Variants in ADAMTS6 observed in about 807,000 individuals in gnomAD.
ADAMTS6 encodes ADAM metallopeptidase with thrombospondin type 1 motif 6.
ADAMTS6 carries 23 observed loss-of-function variants against 144.3 expected under a neutral mutation model. That is an observed-to-expected ratio of 0.16 (90% confidence interval 0.11 to 0.23). ADAMTS6 has a LOEUF of 0.23. ADAMTS6 is among the 10% of genes least tolerant of loss of function. The pLI, the probability that ADAMTS6 is intolerant of heterozygous loss-of-function variation, is 1.00. For missense variants in ADAMTS6, 999 were observed against 1,379.6 expected (o/e 0.72, Z 4.37); for synonymous variants, 444 against 457.5 (o/e 0.97, Z 0.38).
At chr5:65,400,163 G>A (rs759539719) in intron 7 of ADAMTS6, among the ~76,000 whole-genome samples, 9 of 151,402 alleles carry the variant, frequency 5.9e-5, no homozygotes, top group Non-Finnish European at 1.3e-4. Context: ...TTTTTTCTCT[G>A]TCCTCTTTCA....
At chr5:65,363,122 AT>A (rs1749975788) in intron 7 of ADAMTS6, among the ~76,000 whole-genome samples, 1 of 152,174 alleles carries the variant, frequency 6.6e-6, no homozygotes, top group African/African-American at 2.4e-5. Flanking sequence ...TGTATTAAAT[AT>A]TATTGTACTA....
intron 7 of ADAMTS6, among the ~76,000 whole-genome samples, chr5:65,446,206 A>T (rs184054118): frequency 4.6e-5 from 7 of 152,228 alleles, no homozygotes; most frequent in African/African-American, 1.7e-4. Context: ...CCTTTTCTCT[A>T]TCTGTCCTAA....
At chr5:65,442,711 A>T (rs1018189771) in intron 7 of ADAMTS6, among the ~76,000 whole-genome samples, 1 of 152,158 alleles carries the variant, frequency 6.6e-6, no homozygotes, top group African/African-American at 2.4e-5. Flanking sequence ...CATGTGCAGG[A>T]TGTGCAGGTT....
At chr5:65,215,632 A>T (rs1756860959) in intron 18 of ADAMTS6, 145 bp from the exon 19 acceptor site, 1 of 669,360 alleles carries the variant, frequency 1.5e-6, no homozygotes, top group Admixed American at 3.5e-5. Context: ...GTACAAATTA[A>T]AATGGTATTT....
At chr5:65,258,829 T>G (rs1426369082) in intron 14 of ADAMTS6, among the ~76,000 whole-genome samples, 1 of 152,206 alleles carries the variant, frequency 6.6e-6, no homozygotes, top group African/African-American at 2.4e-5. Flanking sequence ...GGGATAACAG[T>G]TGGACATGTT....
intron 17 of ADAMTS6, among the ~76,000 whole-genome samples, chr5:65,224,611 A>G (rs1757584447): frequency 6.6e-6 from 1 of 152,260 alleles, no homozygotes; most frequent in Admixed American, 6.5e-5. Context: ...AATTATCTCA[A>G]GATATTTTAA....
At chr5:65,280,371 T>C (rs1762896562) in intron 11 of ADAMTS6, among the ~76,000 whole-genome samples, 1 of 152,228 alleles carries the variant, frequency 6.6e-6, no homozygotes, top group South Asian at 2.1e-4. Context: ...ACAAAAGATG[T>C]GTATCTTCAC....
At chr5:65,316,526 C>T (rs942816912) in intron 9 of ADAMTS6, among the ~76,000 whole-genome samples, 15 of 151,904 alleles carry the variant, frequency 9.9e-5, no homozygotes, top group African/African-American at 3.1e-4. Context: ...AGAAATGATA[C>T]AATTGAAAGA....
At chr5:65,157,471 A>G (rs936565532) in intron 24 of ADAMTS6, among the ~76,000 whole-genome samples, 3 of 152,234 alleles carry the variant, frequency 2.0e-5, no homozygotes, top group Non-Finnish European at 4.4e-5. Flanking sequence ...AAGCTTGCCT[A>G]CTTGTCTCAC....
intron 15 of ADAMTS6, among the ~76,000 whole-genome samples, chr5:65,230,302 A>ATATATATATGAAATATATATAATACAT (rs1758059589): frequency 2.5e-5 from 2 of 80,110 alleles, no homozygotes; most frequent in East Asian, 6.4e-4. Flanking sequence ...ATATATATAT[A>ATATATATATGAAATATATATAATACAT]TATATATATG....
At chr5:65,190,115 T>C (rs1754915858) in intron 21 of ADAMTS6, among the ~76,000 whole-genome samples, 1 of 152,240 alleles carries the variant, frequency 6.6e-6, no homozygotes, top group Admixed American at 6.5e-5. Flanking sequence ...ATTATTCGTA[T>C]TGTCTTTACT....
intron 7 of ADAMTS6, among the ~76,000 whole-genome samples, chr5:65,395,460 TAACATATGCACCA>T (rs1425367999): frequency 6.6e-6 from 1 of 152,174 alleles, no homozygotes; most frequent in Non-Finnish European, 1.5e-5. Flanking sequence ...AAAGGAAAGT[TAACATATGCACCA>T]AATGGAATTC....
intron 7 of ADAMTS6, among the ~76,000 whole-genome samples, chr5:65,340,491 C>G (rs1029115011): frequency 6.6e-6 from 1 of 151,914 alleles, no homozygotes; most frequent in Non-Finnish European, 1.5e-5. Context: ...AATCAAACCT[C>G]AGCATTACAG....
At chr5:65,254,923 T>C (rs1760516195) in intron 14 of ADAMTS6, among the ~76,000 whole-genome samples, 1 of 152,200 alleles carries the variant, frequency 6.6e-6, no homozygotes, top group Non-Finnish European at 1.5e-5. Context: ...TACAATAATA[T>C]GTTTGGTACA....
rs761621101 is a variant in ADAMTS6, at chr5:65,291,369, C to T, written c.1472G>A (p.Arg491His). 4.2e-5 allele frequency: 67 copies of T among 1,613,758 alleles called. No homozygotes were observed. The highest frequency in any genetic ancestry group is 6.7e-5 in the Admixed American group (4 of 59,976). ...GQVYDADEQC[R>H]FQYGATSRQC... ...GCGGGAGGTTGCTCCATACTGGAAACGACATTGCTCATCAGCATCATACAC... is the reference window on the plus strand; with the variant it reads ...GCGGGAGGTTGCTCCATACTGGAAATGACATTGCTCATCAGCATCATACAC... The change falls in exon 11 of 25, where the codon CGT becomes CAT. Residue 491 changes from arginine to histidine, a missense_variant. By Grantham distance (29) the Arg-to-His change is conservative. Around this residue, in one of 3 missense-constraint regions of ADAMTS6, gnomAD observed 619 missense variants for 837.0 expected, o/e 0.74. Transcript: ENST00000381055.
chr5:65,438,544 T>C (rs1757629103), intron 7 of ADAMTS6, among the ~76,000 whole-genome samples: 1 of 151,950 alleles, frequency 6.6e-6, no homozygotes, highest in African/African-American at 2.4e-5. Context: ...CATACATACA[T>C]AAAAAAATAA....
At chr5:65,390,925 G>A (rs1249765180) in intron 7 of ADAMTS6, among the ~76,000 whole-genome samples, 1 of 150,574 alleles carries the variant, frequency 6.6e-6, no homozygotes, top group Non-Finnish European at 1.5e-5. Context: ...ACTGTGCCTT[G>A]GGAAGTTGGT....
chr5:65,469,490 T>C (rs1307660464), intron 3 of ADAMTS6, among the ~76,000 whole-genome samples: 1 of 152,204 alleles, frequency 6.6e-6, no homozygotes, highest in Non-Finnish European at 1.5e-5. Context: ...ATATGAAAAG[T>C]TTTAGAACAC....
intron 5 of ADAMTS6, 62 bp from the exon 6 acceptor site, chr5:65,452,278 G>T (rs763011236): frequency 4.1e-5 from 59 of 1,437,536 alleles, no homozygotes; most frequent in Admixed American, 5.4e-5. Flanking sequence ...TGATAGTTTG[G>T]TTTTTTAAGT....
Sources: allele counts gnomAD v4.1 joint callset (sites outside exome capture counted in the v4.1 genomes callset), GRCh38; gene constraint gnomAD v4.1.1; regional missense constraint gnomAD v4.1.1; transcripts MANE v1.5; gene names NCBI Gene and HGNC (gene_info 2026-07-23, HGNC 2026-07-21).